The following LLPH variants were observed in gnomAD, a reference collection of about 807,000 sequenced individuals.
The protein encoded by LLPH is LLP homolog, long-term synaptic facilitation factor, also known as protein LLP homolog.
A neutral mutation model predicts 13.3 loss-of-function variants in LLPH; 5 were observed. The observed-to-expected ratio is 0.38, with a 90% CI of 0.20 to 0.79. The LOEUF is 0.79. Ranked by LOEUF, LLPH falls within the 30% of genes least tolerant of loss-of-function variation. The pLI is 0.45. For synonymous variants in LLPH, 32 were observed against 44.2 expected (o/e 0.72, Z 1.09); for missense variants, 129 against 152.1 (o/e 0.85, Z 0.80).
chr12:66,124,121 T>C, intron 2 of LLPH, 103 bp from the exon 3 acceptor site: 1 of 719,380 alleles, frequency 1.4e-6, no homozygotes, highest in Non-Finnish European at 2.2e-6. Context: ...GAACTGAAGG[T>C]AGACCGAAAA....
intron 2 of LLPH, among the ~76,000 whole-genome samples, 165 bp from the exon 3 acceptor site, chr12:66,124,183 G>A (rs535550522): frequency 6.6e-6 from 1 of 152,302 alleles, no homozygotes; most frequent in South Asian, 2.1e-4. Context: ...TCCTTCCTTA[G>A]AATAGTAATG....
At chr12:66,125,790 T>C (rs1258341449) in intron 2 of LLPH, among the ~76,000 whole-genome samples, 1 of 151,906 alleles carries the variant, frequency 6.6e-6, no homozygotes, top group African/African-American at 2.4e-5. Flanking sequence ...ATACAAACAA[T>C]GACCACTGAT....
At chr12:66,129,515 AG>A (rs2051520814) in intron 1 of LLPH, among the ~76,000 whole-genome samples, 1 of 151,898 alleles carries the variant, frequency 6.6e-6, no homozygotes, top group Non-Finnish European at 1.5e-5. Flanking sequence ...CCTCCCGAGC[AG>A]CTGGGACTAC....
intron 2 of LLPH, 145 bp downstream of exon 2, chr12:66,128,751 G>C: frequency 1.6e-6 from 1 of 636,844 alleles, no homozygotes; most frequent in Admixed American, 3.0e-5. Flanking sequence ...GGCTGAGGTG[G>C]GAAGAATCCG....
intron 2 of LLPH, among the ~76,000 whole-genome samples, chr12:66,126,577 G>A (rs999166209): frequency 6.6e-6 from 1 of 152,038 alleles, no homozygotes; most frequent in African/African-American, 2.4e-5. Context: ...TGAAAAACGA[G>A]GCAAAAGACT....
intron 2 of LLPH, among the ~76,000 whole-genome samples, chr12:66,127,248 C>T (rs1273772565): frequency 2.0e-5 from 3 of 152,138 alleles, no homozygotes; most frequent in Admixed American, 6.5e-5. Context: ...TCACAACACC[C>T]ATAAGGGGAA....
rs796113420 is a variant in LLPH, at chr12:66,119,378, G to C, written c.*4462C>G. On this transcript the variant is annotated 3_prime_UTR_variant, in exon 3 of 3. Transcript: ENST00000266604. ...CAAAAGACTCTTGGCATTCAACTGC[G>C]GAAAATTTAGGGTTTTGTAAGCAGG... is the stretch of plus-strand genomic sequence containing the variant. The C allele has an allele frequency of 1.2e-4, 19 of 152,254 alleles. No individual in the cohort carries two copies. The highest frequency in any genetic ancestry group is 3.6e-4 in the African/African-American group (15 of 41,550). 9.4% of individuals were successfully genotyped at this position (152,254 alleles called of 1,614,324 possible).
At chr12:66,125,091 G>A (rs542805590) in intron 2 of LLPH, among the ~76,000 whole-genome samples, 36 of 152,252 alleles carry the variant, frequency 2.4e-4, no homozygotes, top group African/African-American at 8.4e-4. Flanking sequence ...GAACTGGTAG[G>A]CGCTGGTAAG....
rs140793327 is a variant in LLPH at position 66,128,979 on chromosome 12, T to C, written c.128A>G (p.Asp43Gly). 25 of 1,613,276 alleles carry C rather than the reference T, an allele frequency of 1.5e-5. No individual in the cohort carries two copies. The highest frequency in any genetic ancestry group is 2.0e-5 in the Non-Finnish European group (23 of 1,179,388). Reference sequence around the variant, plus strand: ...CACCACAGTTGCTATCTCTTGAACATCTTTCATTAAAACATCACCGTCTAG... The same window carrying C: ...CACCACAGTTGCTATCTCTTGAACACCTTTCATTAAAACATCACCGTCTAG... The part of the protein sequence containing the change: ...LKLDGDVLMK[D>G]VQEIATVVVP... The change falls in exon 2 of 3, where the codon GAT (aspartate) becomes GGT (glycine). Residue 43 changes from aspartate to glycine, a missense_variant. By Grantham distance (94) the Asp-to-Gly change is moderately conservative. Transcript: ENST00000266604.
chr12:66,127,484 T>C (rs1263665105), intron 2 of LLPH, among the ~76,000 whole-genome samples: 1 of 151,682 alleles, frequency 6.6e-6, no homozygotes. Context: ...GAAAAGAGCA[T>C]ATTAGTGGTT....
chr12:66,120,909 G>A lies in LLPH; in HGVS notation c.*2931C>T, dbSNP rs2051458988. ...GGAGAATCTTGCTGGTAGTGTTCAG[G>A]AACTCAGTGCCTTAGAGGGTACTGA... On this transcript the variant is annotated 3_prime_UTR_variant, in exon 3 of 3. Transcript: ENST00000266604. The A allele has an allele frequency of 2.0e-5, 3 of 152,330 alleles. No homozygotes were observed. Among genetic ancestry groups the A allele is most frequent in the South Asian group, 4.1e-4 (2 of 4,824 alleles). 9.4% of individuals were successfully genotyped at this position (152,330 alleles called of 1,614,324 possible).
Position 66,119,615 on chromosome 12 carries a change from A to T in LLPH, c.*4225T>A, listed in dbSNP as rs2051450559. On this transcript the variant is annotated 3_prime_UTR_variant, in exon 3 of 3. Coordinates refer to ENST00000266604, the MANE Select transcript of LLPH (RefSeq NM_032338.4). ...ATATTTTGTGTTTAGCACAAATTTG[A>T]ATCACTCTGCCAGATGGCATCAGAA... The T allele has an allele frequency of 2.6e-5, 4 of 152,264 alleles. No homozygotes were observed. The highest frequency in any genetic ancestry group is 2.6e-4 in the Admixed American group (4 of 15,294). 9.4% of individuals were successfully genotyped at this position (152,264 alleles called of 1,614,324 possible).
At position 66,122,414 on chromosome 12, in the gene LLPH, T is replaced by G. The variant is rs2136827003; in HGVS notation, c.*1426A>C. On this transcript the variant is annotated 3_prime_UTR_variant, in exon 3 of 3. Coordinates refer to ENST00000266604, the MANE Select transcript of LLPH (RefSeq NM_032338.4). ...AACAGATACACAGCTCTCAGCCCTA[T>G]GAGAGCAGAAATCTTATCTTATTCA... The G allele has an allele frequency of 6.6e-6, 1 of 152,290 alleles. No individual in the cohort carries two copies. Among genetic ancestry groups the G allele is most frequent in the East Asian group, 1.9e-4 (1 of 5,182 alleles). 9.4% of individuals were successfully genotyped at this position (152,290 alleles called of 1,614,324 possible). A position where few individuals can be genotyped will look rare whatever the true frequency, so the allele number is the denominator to read the frequency against.
chr12:66,121,046 T>C lies in LLPH; in HGVS notation c.*2794A>G, dbSNP rs909300797. On this transcript the variant is annotated 3_prime_UTR_variant, in exon 3 of 3. Transcript: ENST00000266604. ...CTGGTAATGGTGCTTTGATTTTTGA[T>C]TTTGTTAACTTTCAAGTTAAATCCT... is the stretch of plus-strand genomic sequence containing the variant. 2.6e-5 allele frequency: 4 copies of C among 152,198 alleles called. No homozygotes were observed. Among genetic ancestry groups the C allele is most frequent in the African/African-American group, 9.7e-5 (4 of 41,450 alleles). 9.4% of individuals were successfully genotyped at this position (152,198 alleles called of 1,614,324 possible).
intron 2 of LLPH, among the ~76,000 whole-genome samples, chr12:66,127,055 A>G (rs1822543261): frequency 6.6e-6 from 1 of 152,268 alleles, no homozygotes; most frequent in African/African-American, 2.4e-5. Flanking sequence ...AGATGGCTAT[A>G]ATCCGAAAAT....
chr12:66,129,680 C>A (rs980193910), intron 1 of LLPH, among the ~76,000 whole-genome samples: 13 of 152,090 alleles, frequency 8.5e-5, no homozygotes, highest in Admixed American at 1.3e-4. Flanking sequence ...CCACCGCGCC[C>A]GGCTGAATTT....
rs1027248842 is a variant in LLPH, at chr12:66,118,396, C to G, written c.*5444G>C. The G allele has an allele frequency of 4.6e-5, 7 of 150,814 alleles. No homozygotes were observed. Among genetic ancestry groups the G allele is most frequent in the African/African-American group, 1.7e-4 (7 of 40,918 alleles). The allele number at this position is 150,814 out of a possible 1,614,324, so 9.3% of individuals were successfully genotyped here. A position where few individuals can be genotyped will look rare whatever the true frequency, so the allele number is the denominator to read the frequency against. ...AAAAAAAAAAATATACAGCAGTATA[C>G]AGTCATGTCTGAGGCCTTCACATTC... On this transcript the variant is annotated 3_prime_UTR_variant, in exon 3 of 3. Transcript: ENST00000266604.
chr12:66,128,726 C>T (rs940950318), intron 2 of LLPH, among the ~76,000 whole-genome samples, 170 bp downstream of exon 2: 3 of 151,720 alleles, frequency 2.0e-5, no homozygotes, highest in Admixed American at 2.0e-4. Context: ...ATGCCTGTAA[C>T]CCAGTGCTTT....
Position 66,120,353 on chromosome 12 carries a change from G to GT in LLPH, c.*3486dup, listed in dbSNP as rs1264445794. 1 of 152,200 alleles carries GT rather than the reference G, an allele frequency of 6.6e-6. No homozygotes were observed. The highest frequency in any genetic ancestry group is 1.5e-5 in the Non-Finnish European group (1 of 68,038). 9.4% of individuals were successfully genotyped at this position (152,200 alleles called of 1,614,324 possible). The stretch of plus-strand genomic sequence containing the variant: ...CATCCTTGAGAGGCAGAATGGCATT[G>GT]TAAGAGTATAGGCTCTAGAGCCACA... On this transcript the variant is annotated 3_prime_UTR_variant, in exon 3 of 3. Transcript: ENST00000266604.
Sources: allele counts gnomAD v4.1 joint callset (sites outside exome capture counted in the v4.1 genomes callset), GRCh38; gene constraint gnomAD v4.1.1; transcripts MANE v1.5; gene names NCBI Gene and HGNC (gene_info 2026-07-23, HGNC 2026-07-21).